Variants in IQSEC1 observed in about 807,000 individuals in gnomAD.
The protein encoded by IQSEC1 is IQ motif and SEC7 domain-containing protein 1.
IQSEC1 carries 31 observed loss-of-function variants against 91.0 expected under a neutral mutation model. The observed-to-expected ratio is 0.34, with a 90% CI of 0.26 to 0.46. The LOEUF (loss-of-function observed/expected upper bound fraction) is 0.46. Among genes scored for constraint, IQSEC1 ranks in the 20% least tolerant of loss-of-function variants. The pLI, the probability that IQSEC1 is intolerant of heterozygous loss-of-function variation, is 1.00. For synonymous variants in IQSEC1, 699 were observed against 662.6 expected (o/e 1.05, Z -0.84); for missense variants, 1,388 against 1,575.6 (o/e 0.88, Z 2.02).
At chr3:13,167,560 G>A (rs1363566241) in intron 1 of IQSEC1, among the ~76,000 whole-genome samples, 1 of 152,130 alleles carries the variant, frequency 6.6e-6, no homozygotes, top group Non-Finnish European at 1.5e-5. Flanking sequence ...GGAAGGGGAG[G>A]TGCTGACAGG....
At chr3:13,235,233 T>G (rs1480387040) in intron 1 of IQSEC1, among the ~76,000 whole-genome samples, 1 of 152,084 alleles carries the variant, frequency 6.6e-6, no homozygotes, top group Non-Finnish European at 1.5e-5. Flanking sequence ...TCAGGGCTTC[T>G]CCCCCAGCTC....
At chr3:12,993,213 A>G (rs1256826649) in intron 1 of IQSEC1, among the ~76,000 whole-genome samples, 1 of 152,186 alleles carries the variant, frequency 6.6e-6, no homozygotes, top group African/African-American at 2.4e-5. Flanking sequence ...CTCCACCCCA[A>G]GACTGAGAAC....
At chr3:13,049,717 TCTC>T (rs1459983313) in intron 1 of IQSEC1, among the ~76,000 whole-genome samples, 1 of 152,110 alleles carries the variant, frequency 6.6e-6, no homozygotes, top group Non-Finnish European at 1.5e-5. Context: ...CTTTCTTTCT[TCTC>T]CTCTCTCTCA....
chr3:12,929,937 G>A (rs750807249), intron 3 of IQSEC1, among the ~76,000 whole-genome samples: 7 of 152,194 alleles, frequency 4.6e-5, no homozygotes, highest in Non-Finnish European at 8.8e-5. Context: ...ATCAGATGAC[G>A]ATTCAGATTC....
At chr3:13,169,910 GA>G (rs1298778486) in intron 1 of IQSEC1, among the ~76,000 whole-genome samples, 1 of 152,186 alleles carries the variant, frequency 6.6e-6, no homozygotes, top group Non-Finnish European at 1.5e-5. Context: ...CAATGAGATA[GA>G]AAAGAAAAAC....
chr3:12,985,124 G>A (rs908525181), intron 1 of IQSEC1, among the ~76,000 whole-genome samples: 2 of 152,216 alleles, frequency 1.3e-5, no homozygotes, highest in Non-Finnish European at 2.9e-5. Context: ...GCGCCCAGCC[G>A]CAATTACATT....
At chr3:13,041,556 G>T (rs1011521257) in intron 1 of IQSEC1, among the ~76,000 whole-genome samples, 8 of 152,136 alleles carry the variant, frequency 5.3e-5, no homozygotes, top group Admixed American at 1.3e-4. Context: ...ATAACACGCC[G>T]TTCAAGGTGA....
intron 3 of IQSEC1, among the ~76,000 whole-genome samples, chr3:12,926,003 G>C (rs1251752532): frequency 5.3e-5 from 8 of 152,198 alleles, no homozygotes; most frequent in Non-Finnish European, 1.2e-4. Flanking sequence ...TGGCAGGGTG[G>C]TCCTGGTGGT....
intron 1 of IQSEC1, chr3:13,022,110 G>A (rs760603730): frequency 3.5e-4 from 427 of 1,231,632 alleles, no homozygotes; most frequent in Non-Finnish European, 3.6e-4. Context: ...TGCCTGGCTC[G>A]GTGGAGGAGC....
rs368110167 is a variant in IQSEC1, at chr3:13,132,090, G to A, written c.302+32014C>T. On this transcript the variant is annotated intron_variant, in intron 2 of 15. Coordinates refer to the IQSEC1 transcript ENST00000648114. ...GTTCACTGGATGCCAGACACTGTAC[G>A]TTCTACCTTGCTAGATATTTTTGTA... 2.6e-4 allele frequency among the ~76,000 whole-genome samples: 39 copies of A among 152,214 alleles called. 3 individuals carry two copies. Among genetic ancestry groups the A allele is most frequent in the Admixed American group, 1.2e-3 (19 of 15,284 alleles).
chr3:13,071,156 T>C (rs76308472), intron 1 of IQSEC1, among the ~76,000 whole-genome samples: 1 of 119,678 alleles, frequency 8.4e-6, no homozygotes, highest in African/African-American at 3.0e-5. Context: ...TTTTTTTGTT[T>C]TTTTTTTTTT....
rs138116348 is a variant in IQSEC1 at position 13,035,983 on chromosome 3, G to A, written c.23+37009C>T. On this transcript the variant is annotated intron_variant, in intron 1 of 13. Coordinates refer to ENST00000613206, the MANE Select transcript of IQSEC1 (RefSeq NM_001134382.3). ...CTAAGGTCTCAGCTGTCAGCCAGTAGCATTTGCAAGGTGAGGAAGGGAGTG... is the reference window on the plus strand; with the variant it reads ...CTAAGGTCTCAGCTGTCAGCCAGTAACATTTGCAAGGTGAGGAAGGGAGTG... Among the ~76,000 whole-genome samples, 933 of 152,326 alleles carry A rather than the reference G, an allele frequency of 6.1e-3. 10 individuals are homozygous for A. The highest frequency in any genetic ancestry group is 0.021 in the African/African-American group (877 of 41,564).
At chr3:13,069,954 A>T (rs988577066) in intron 1 of IQSEC1, among the ~76,000 whole-genome samples, 12 of 152,158 alleles carry the variant, frequency 7.9e-5, no homozygotes, top group African/African-American at 2.9e-4. Context: ...GTCATCCTTT[A>T]TCCCATCCAG....
chr3:13,135,892 C>T (rs1435239057), intron 2 of IQSEC1, among the ~76,000 whole-genome samples: 1 of 152,224 alleles, frequency 6.6e-6, no homozygotes, highest in Non-Finnish European at 1.5e-5. Flanking sequence ...CTCCTGTGCG[C>T]AGACCCCGTG....
intron 2 of IQSEC1, among the ~76,000 whole-genome samples, chr3:13,085,326 C>A (rs142782891): frequency 6.6e-5 from 10 of 152,148 alleles, no homozygotes; most frequent in African/African-American, 2.2e-4. Flanking sequence ...GGGCAAGCAC[C>A]CTTATCAGAG....
At chr3:12,943,537 C>G (rs575154989) in intron 1 of IQSEC1, among the ~76,000 whole-genome samples, 1 of 152,326 alleles carries the variant, frequency 6.6e-6, no homozygotes, top group African/African-American at 2.4e-5. Flanking sequence ...TCTGCTCCCA[C>G]GGGCCGGGGT....
At chr3:13,016,267 T>C (rs576568506) in intron 1 of IQSEC1, among the ~76,000 whole-genome samples, 1 of 152,356 alleles carries the variant, frequency 6.6e-6, no homozygotes, top group South Asian at 2.1e-4. Context: ...AGGAGTGCTC[T>C]GTCCCTGTCT....
chr3:13,235,037 C>T (rs1299935013), intron 1 of IQSEC1, among the ~76,000 whole-genome samples: 2 of 152,164 alleles, frequency 1.3e-5, no homozygotes, highest in African/African-American at 4.8e-5. Flanking sequence ...TGGGGACGGG[C>T]TCTGGGGGTC....
chr3:13,028,723 G>A (rs1009478127), intron 1 of IQSEC1, among the ~76,000 whole-genome samples: 1 of 152,230 alleles, frequency 6.6e-6, no homozygotes, highest in Non-Finnish European at 1.5e-5. Flanking sequence ...ATGGTACTGG[G>A]TTTGACCATC....
Sources: gnomAD v4.1 joint callset for allele counts (sites outside exome capture counted in the v4.1 genomes callset) on GRCh38, gnomAD v4.1.1 for gene constraint, MANE v1.5 for transcripts, NCBI Gene and HGNC (gene_info 2026-07-23, HGNC 2026-07-21) for gene names.